Variants in ANO3 observed in about 807,000 individuals in gnomAD.
The protein encoded by ANO3 is anoctamin 3, also known as anoctamin-3.
In ANO3, 99 loss-of-function variants were observed where a neutral mutation model predicts 144.8. That is an observed-to-expected ratio of 0.68 (90% CI 0.58 to 0.81). The LOEUF (loss-of-function observed/expected upper bound fraction) is 0.81, where lower values mean the gene tolerates loss of function less well. Among genes scored for constraint, ANO3 ranks in the 30% least tolerant of loss-of-function variants. ANO3 has a pLI of 0.00. For missense variants in ANO3, 905 were observed against 1,202.2 expected (o/e 0.75, Z 3.66); for synonymous variants, 414 against 392.6 (o/e 1.05, Z -0.64).
chr11:26,295,916 T>G (rs12273754), intron 1 of ANO3, among the ~76,000 whole-genome samples: 24,906 of 152,076 alleles, frequency 0.16, 2,473 homozygotes, highest in African/African-American at 0.28. Context: ...CAGAGCCACC[T>G]CTCTCTAGAT....
chr11:26,491,364 A>G (rs1860701020), intron 4 of ANO3, among the ~76,000 whole-genome samples: 1 of 152,222 alleles, frequency 6.6e-6, no homozygotes, highest in Admixed American at 6.5e-5. Context: ...AACAGTTGTA[A>G]CAGTTATAAG....
chr11:26,451,664 A>C (rs1858945801), intron 3 of ANO3, among the ~76,000 whole-genome samples: 1 of 152,164 alleles, frequency 6.6e-6, no homozygotes, highest in African/African-American at 2.4e-5. Context: ...CAGGGCACAG[A>C]CAAACAAAAA....
chr11:26,658,821 T>A (rs908246074), intron 26 of ANO3, among the ~76,000 whole-genome samples: 2 of 152,148 alleles, frequency 1.3e-5, no homozygotes, highest in African/African-American at 4.8e-5. Flanking sequence ...ATGATCTACT[T>A]TGCAGTACAG....
At chr11:26,193,827 T>C (rs970996899) in intron 1 of ANO3, among the ~76,000 whole-genome samples, 1 of 152,194 alleles carries the variant, frequency 6.6e-6, no homozygotes, top group African/African-American at 2.4e-5. Flanking sequence ...GAATGCAACC[T>C]ATCAGGTAAT....
At chr11:26,432,684 T>C (rs1210264335) in intron 1 of ANO3, among the ~76,000 whole-genome samples, 1 of 152,154 alleles carries the variant, frequency 6.6e-6, no homozygotes, top group East Asian at 1.9e-4. Context: ...TGTGTTTTTG[T>C]CAGCTTTGTT....
At chr11:26,510,969 G>T (rs1246255328) in intron 5 of ANO3, among the ~76,000 whole-genome samples, 1 of 152,180 alleles carries the variant, frequency 6.6e-6, no homozygotes, top group African/African-American at 2.4e-5. Context: ...CAGCAGGACA[G>T]TGTCCATTTG....
intron 1 of ANO3, among the ~76,000 whole-genome samples, chr11:26,334,009 C>T (rs1001096028): frequency 2.0e-5 from 3 of 152,126 alleles, no homozygotes; most frequent in African/African-American, 7.2e-5. Context: ...CTTCAAATGG[C>T]CCCCACAACA....
At chr11:26,509,762 A>G (rs117559756) in intron 5 of ANO3, among the ~76,000 whole-genome samples, 3,363 of 152,058 alleles carry the variant, frequency 0.022, 64 homozygotes, top group Non-Finnish European at 0.035. Flanking sequence ...GAATCCCTTT[A>G]CCCCCACAGA....
At chr11:26,352,690 AC>A (rs1855678679) in intron 1 of ANO3, among the ~76,000 whole-genome samples, 1 of 152,124 alleles carries the variant, frequency 6.6e-6, no homozygotes, top group African/African-American at 2.4e-5. Flanking sequence ...ATGTTTCTTT[AC>A]CATTCTCTTT....
chr11:26,316,560 C>A (rs1590255313), intron 1 of ANO3, among the ~76,000 whole-genome samples: 1 of 152,186 alleles, frequency 6.6e-6, no homozygotes, highest in South Asian at 2.1e-4. Flanking sequence ...TGCAAACAAT[C>A]AATAGAAGCA....
intron 5 of ANO3, among the ~76,000 whole-genome samples, chr11:26,516,373 C>T (rs938345637): frequency 6.6e-6 from 1 of 151,280 alleles, no homozygotes; most frequent in African/African-American, 2.4e-5. Flanking sequence ...CAGGACCAAG[C>T]ACATAGTTTG....
intron 1 of ANO3, among the ~76,000 whole-genome samples, chr11:26,194,488 A>ATTATTTAT (rs1196375918): frequency 4.3e-5 from 1 of 23,460 alleles, no homozygotes; most frequent in Non-Finnish European, 1.0e-4. Flanking sequence ...GTGTGTGTGT[A>ATTATTTAT]TTATTTATTT....
chr11:26,512,916 A>G (rs1251685292), intron 5 of ANO3, among the ~76,000 whole-genome samples: 1 of 152,206 alleles, frequency 6.6e-6, no homozygotes, highest in Non-Finnish European at 1.5e-5. Flanking sequence ...TGTGTTCTCA[A>G]AATAGGTTAA....
chr11:26,342,779 T>A (rs540935914), intron 1 of ANO3, among the ~76,000 whole-genome samples: 11 of 152,244 alleles, frequency 7.2e-5, no homozygotes, highest in African/African-American at 2.7e-4. Flanking sequence ...CTGAATAATA[T>A]CCACTAACTG....
At chr11:26,367,795 C>T (rs946656592) in intron 1 of ANO3, among the ~76,000 whole-genome samples, 4 of 152,066 alleles carry the variant, frequency 2.6e-5, no homozygotes, top group African/African-American at 9.7e-5. Context: ...AAGGAGCTTT[C>T]AATAGTGGCA....
At chr11:26,496,435 A>G (rs1370381701) in intron 4 of ANO3, among the ~76,000 whole-genome samples, 4 of 152,126 alleles carry the variant, frequency 2.6e-5, no homozygotes, top group Admixed American at 1.3e-4. Context: ...GGTAATAGGG[A>G]CCCAAGTGCT....
chr11:26,298,556 C>CT (rs1854145593), intron 1 of ANO3, among the ~76,000 whole-genome samples: 2 of 152,132 alleles, frequency 1.3e-5, no homozygotes. Flanking sequence ...AGTAATTAAC[C>CT]TTTTACTCTG....
intron 4 of ANO3, among the ~76,000 whole-genome samples, chr11:26,502,472 C>T (rs541490393): frequency 6.6e-6 from 1 of 152,222 alleles, no homozygotes; most frequent in East Asian, 1.9e-4. Context: ...ACCAGTGTGT[C>T]ATACTACATT....
At chr11:26,430,810 T>C (rs562879431) in intron 1 of ANO3, among the ~76,000 whole-genome samples, 1 of 152,234 alleles carries the variant, frequency 6.6e-6, no homozygotes, top group Non-Finnish European at 1.5e-5. Context: ...AAAGCTAAAA[T>C]GGGGAAATAC....
Sources: gnomAD v4.1 joint callset for allele counts (sites outside exome capture counted in the v4.1 genomes callset) on GRCh38, gnomAD v4.1.1 for gene constraint, MANE v1.5 for transcripts, NCBI Gene and HGNC (gene_info 2026-07-23, HGNC 2026-07-21) for gene names.